Variants in MTERF4 observed in about 807,000 individuals in gnomAD.
MTERF4 encodes the protein mitochondrial transcription termination factor 4.
In MTERF4, 17 loss-of-function variants were observed where a neutral mutation model predicts 22.5. The observed-to-expected ratio is 0.75, with a 90% CI of 0.52 to 1.13. The LOEUF (loss-of-function observed/expected upper bound fraction) is 1.13, where lower values mean the gene tolerates loss of function less well. MTERF4 is among the 50% of genes most tolerant of loss of function. The pLI, the probability that MTERF4 is intolerant of heterozygous loss-of-function variation, is 0.00. For missense variants in MTERF4, 420 were observed against 466.8 expected (o/e 0.90, Z 0.92); for synonymous variants, 165 against 175.3 (o/e 0.94, Z 0.47).
the MTERF4 span, among the ~76,000 whole-genome samples, chr2:241,059,604 TC>T: frequency 6.6e-6 from 1 of 152,066 alleles, no homozygotes; most frequent in East Asian, 1.9e-4. Flanking sequence ...GTGGGATTTT[TC>T]TCAAGGACAC....
At chr2:241,071,574 A>C, downstream of MTERF4, 1 of 1,582,086 alleles carries the variant, frequency 6.3e-7, no homozygotes, top group Non-Finnish European at 8.5e-7. Context: ...CCTGCTCTGC[A>C]GCCCCCAGGG....
exon 5 of MTERF4, chr2:241,074,062 C>A (rs1322526885): frequency 6.6e-6 from 1 of 152,380 alleles, no homozygotes; most frequent in Non-Finnish European, 1.5e-5. Flanking sequence ...TCTCCTAGCA[C>A]CCGGTGACCT....
chr2:241,052,041 G>A, the MTERF4 span: 1 of 1,612,986 alleles, frequency 6.2e-7, no homozygotes, highest in Non-Finnish European at 8.5e-7. Flanking sequence ...CTGTTTCCAG[G>A]GAAGCCAGAC....
rs2064457537 is a variant in MTERF4 at position 241,096,836 on chromosome 2, C to T, written c.706-398G>A. On this transcript the variant is annotated intron_variant, in intron 3 of 3. Coordinates refer to ENST00000391980, the MANE Select transcript of MTERF4 (RefSeq NM_182501.4). This position sits in a 1 kb window ranked among gnomAD's most constrained non-coding sequence, Gnocchi z 5.1. ...AAAAATCGGACAACTGTTAAAATTA[C>T]ATTTTCAAAATCAACATGCAAAATA... is the stretch of plus-strand genomic sequence containing the variant. 5.5e-6 allele frequency: 3 copies of T among 544,548 alleles called. No homozygotes were observed. The South Asian group carries it at 6.3e-5, about 11-fold the overall frequency. 33.7% of individuals were successfully genotyped at this position (544,548 alleles called of 1,614,324 possible).
the MTERF4 span, chr2:241,062,710 C>A: frequency 2.3e-6 from 2 of 883,564 alleles, no homozygotes; most frequent in Non-Finnish European, 1.8e-6. Flanking sequence ...TTCTGTCTGG[C>A]CCCTCAGGAC....
In MTERF4 at chr2:241,096,994, A is replaced by G; in HGVS notation, c.705+249T>C. 1.7e-6 allele frequency: 1 copy of G among 594,326 alleles called. No homozygotes were observed. Among genetic ancestry groups the G allele is most frequent in the East Asian group, 2.8e-5 (1 of 35,912 alleles). The allele number at this position is 594,326 out of a possible 1,614,324, so 36.8% of individuals were successfully genotyped here. ...TTGAAGAATAGGTTTGATCTGTAGT[A>G]AAGAAATTAAAGATTTCTCTTTGGC... On this transcript the variant is annotated intron_variant, in intron 3 of 3. Transcript: ENST00000391980. The surrounding 1 kb of genome is among the most constrained non-coding windows in gnomAD (Gnocchi z 5.1).
chr2:241,055,476 G>A, the MTERF4 span, among the ~76,000 whole-genome samples: 2 of 152,132 alleles, frequency 1.3e-5, no homozygotes, highest in Admixed American at 1.3e-4. Context: ...TTTAAATACT[G>A]AAGAGATCCA....
At chr2:241,044,637 G>A in the MTERF4 span, among the ~76,000 whole-genome samples, 2 of 152,230 alleles carry the variant, frequency 1.3e-5, no homozygotes, top group Non-Finnish European at 2.9e-5. Flanking sequence ...GAGTGCTCCA[G>A]GAGAAGCCCT....
downstream of MTERF4, chr2:241,071,972 C>T (rs750060497): frequency 5.6e-6 from 6 of 1,068,938 alleles, no homozygotes; most frequent in Admixed American, 1.2e-4. Flanking sequence ...ATGAGCCCAC[C>T]CCCACCGCCA....
downstream of MTERF4, chr2:241,082,228 G>T: frequency 6.8e-7 from 1 of 1,474,240 alleles, no homozygotes; most frequent in Non-Finnish European, 9.4e-7. Context: ...AGAGGGGCAG[G>T]AGGAGCCGTC....
At chr2:241,091,080 C>G (rs2063943938), downstream of MTERF4, among the ~76,000 whole-genome samples, 1 of 152,108 alleles carries the variant, frequency 6.6e-6, no homozygotes, top group African/African-American at 2.4e-5. The surrounding 1 kb of genome is among the most constrained non-coding windows in gnomAD (Gnocchi z 4.1). Context: ...AAATGCTTGC[C>G]TAGCACATCC....
At chr2:241,060,390 C>T in the MTERF4 span, among the ~76,000 whole-genome samples, 1 of 152,132 alleles carries the variant, frequency 6.6e-6, no homozygotes, top group African/African-American at 2.4e-5. Flanking sequence ...ACCATGTTGG[C>T]CAGGCTGGTC....
chr2:241,099,303 G>A (rs2064594341), intron 2 of MTERF4, 93 bp downstream of exon 2: 1 of 1,393,472 alleles, frequency 7.2e-7, no homozygotes. Context: ...TTGAACCCCT[G>A]ACCTCAAGTG....
At chr2:241,044,026 A>G in the MTERF4 span, among the ~76,000 whole-genome samples, 16 of 152,362 alleles carry the variant, frequency 1.1e-4, no homozygotes, top group Middle Eastern at 3.4e-3. Context: ...AAAGATATAC[A>G]TTGTAAACCC....
Position 241,096,997 on chromosome 2 carries a change from G to C in MTERF4, c.705+246C>G. The stretch of plus-strand genomic sequence containing the variant: ...AAGAATAGGTTTGATCTGTAGTAAA[G>C]AAATTAAAGATTTCTCTTTGGCTGA... On this transcript the variant is annotated intron_variant, in intron 3 of 3. Coordinates refer to ENST00000391980, the MANE Select transcript of MTERF4 (RefSeq NM_182501.4). The surrounding 1 kb of genome is among the most constrained non-coding windows in gnomAD (Gnocchi z 5.1). 1 of 594,860 alleles carries C rather than the reference G, an allele frequency of 1.7e-6. No homozygotes were observed. Among genetic ancestry groups the C allele is most frequent in the Non-Finnish European group, 3.0e-6 (1 of 337,424 alleles). The allele number at this position is 594,860 out of a possible 1,614,324, so 36.8% of individuals were successfully genotyped here.
chr2:241,099,327 G>T, intron 2 of MTERF4, 69 bp downstream of exon 2: 1 of 1,521,002 alleles, frequency 6.6e-7, no homozygotes, highest in Non-Finnish European at 8.9e-7. Context: ...TGCCTGCCTC[G>T]GCCTCCCAAA....
At chr2:241,055,659 G>A in the MTERF4 span, among the ~76,000 whole-genome samples, 2 of 152,210 alleles carry the variant, frequency 1.3e-5, no homozygotes, top group Admixed American at 6.5e-5. Context: ...TGCTGCAGGG[G>A]CAAGCACAAT....
chr2:241,053,232 G>GT, the MTERF4 span: 1 of 1,609,080 alleles, frequency 6.2e-7, no homozygotes, highest in African/African-American at 1.3e-5. Flanking sequence ...CGGTGGCCCT[G>GT]TATGCATGTG....
the MTERF4 span, among the ~76,000 whole-genome samples, chr2:241,045,199 G>T: frequency 6.6e-6 from 1 of 152,182 alleles, no homozygotes; most frequent in Non-Finnish European, 1.5e-5. Flanking sequence ...TGGATTAGAA[G>T]ACTCAACGTA....
Sources: gnomAD v4.1 joint callset for allele counts (sites outside exome capture counted in the v4.1 genomes callset) on GRCh38, gnomAD v4.1.1 for gene constraint, Gnocchi (gnomAD v3.1) non-coding constraint, MANE v1.5 for transcripts, NCBI Gene and HGNC (gene_info 2026-07-23, HGNC 2026-07-21) for gene names.